Variants in METTL24 observed in about 807,000 individuals in gnomAD.
METTL24 encodes the protein methyltransferase like 24, also known as probable methyltransferase-like protein 24.
A neutral mutation model predicts 32.7 loss-of-function variants in METTL24; 29 were observed. That is an observed-to-expected ratio of 0.89 (90% CI 0.66 to 1.21). The LOEUF (loss-of-function observed/expected upper bound fraction) is 1.21. Ranked by LOEUF, METTL24 falls within the 50% of genes most tolerant of loss-of-function variation. METTL24 has a pLI of 0.00. For missense variants in METTL24, 439 were observed against 468.1 expected (o/e 0.94, Z 0.57); for synonymous variants, 163 against 179.5 (o/e 0.91, Z 0.73).
intron 1 of METTL24, among the ~76,000 whole-genome samples, chr6:110,351,017 A>G (rs1008236138): frequency 4.6e-5 from 7 of 152,028 alleles, no homozygotes; most frequent in Non-Finnish European, 1.0e-4. Flanking sequence ...CTGAGGCAGG[A>G]GAATCACTTG....
intron 4 of METTL24, among the ~76,000 whole-genome samples, chr6:110,283,516 T>C (rs1771172496): frequency 6.6e-6 from 1 of 151,812 alleles, no homozygotes; most frequent in South Asian, 2.1e-4. Flanking sequence ...GGGAGAGAGG[T>C]CTAATGACCA....
chr6:110,321,068 C>A (rs573993725), intron 2 of METTL24, among the ~76,000 whole-genome samples: 2 of 152,244 alleles, frequency 1.3e-5, no homozygotes, highest in Admixed American at 1.3e-4. Flanking sequence ...AAAACCCTAT[C>A]TCTACTAAAA....
At chr6:110,276,478 T>C (rs926576400) in intron 4 of METTL24, among the ~76,000 whole-genome samples, 14 of 152,204 alleles carry the variant, frequency 9.2e-5, no homozygotes, top group African/African-American at 3.1e-4. Flanking sequence ...AAACATTACA[T>C]GACTTGTACT....
intron 1 of METTL24, among the ~76,000 whole-genome samples, chr6:110,340,743 A>G (rs2114770943): frequency 6.6e-6 from 1 of 152,238 alleles, no homozygotes; most frequent in Admixed American, 6.5e-5. Flanking sequence ...TCAAGTATTC[A>G]CCGTCCTGGT....
chr6:110,287,484 C>T (rs1321200476), intron 4 of METTL24, among the ~76,000 whole-genome samples: 3 of 152,178 alleles, frequency 2.0e-5, no homozygotes, highest in South Asian at 2.1e-4. Flanking sequence ...AAGATAGACA[C>T]CTCTCTTTGA....
At chr6:110,305,290 C>G (rs1485990471) in intron 3 of METTL24, among the ~76,000 whole-genome samples, 1 of 152,010 alleles carries the variant, frequency 6.6e-6, no homozygotes, top group Non-Finnish European at 1.5e-5. Context: ...GACTAAAACA[C>G]CAAAAGCAAC....
intron 1 of METTL24, among the ~76,000 whole-genome samples, chr6:110,331,124 G>A (rs1772103412): frequency 6.6e-6 from 1 of 152,114 alleles, no homozygotes; most frequent in Non-Finnish European, 1.5e-5. Context: ...TACAATAACT[G>A]AAATAAAATC....
At chr6:110,320,590 A>C (rs749601544) in intron 2 of METTL24, among the ~76,000 whole-genome samples, 16 of 152,174 alleles carry the variant, frequency 1.1e-4, no homozygotes, top group Non-Finnish European at 1.6e-4. Flanking sequence ...TTTCTGGAGG[A>C]CAAAAATCCT....
chr6:110,252,157 A>C lies in METTL24; in HGVS notation c.787-5897T>G, dbSNP rs562547903. On this transcript the variant is annotated intron_variant, in intron 4 of 4. Coordinates refer to ENST00000338882, the MANE Select transcript of METTL24 (RefSeq NM_001123364.3). ...AAACTCTTCCTTAAAAAACAAAACA[A>C]AAAAAACCTGCTGCATTGGGATTCA... 2.9e-4 allele frequency among the ~76,000 whole-genome samples: 44 copies of C among 152,264 alleles called. No individual in the cohort carries two copies. In the South Asian group the frequency reaches 8.9e-3, roughly 31 times the overall value.
intron 4 of METTL24, among the ~76,000 whole-genome samples, chr6:110,279,008 T>A (rs907112823): frequency 1.3e-5 from 2 of 150,976 alleles, no homozygotes; most frequent in Non-Finnish European, 2.9e-5. Context: ...GAAACAGTGA[T>A]GTTCCACAAA....
intron 4 of METTL24, among the ~76,000 whole-genome samples, chr6:110,269,084 T>C (rs1770909022): frequency 6.6e-6 from 1 of 152,074 alleles, no homozygotes; most frequent in African/African-American, 2.4e-5. Context: ...CCCAAGCCTC[T>C]CCATTCCTTA....
At chr6:110,257,816 G>A (rs1030421929) in intron 4 of METTL24, among the ~76,000 whole-genome samples, 1 of 152,136 alleles carries the variant, frequency 6.6e-6, no homozygotes, top group African/African-American at 2.4e-5. Context: ...GGCCTTGGAA[G>A]GTATAAGATA....
At chr6:110,273,526 A>G in intron 4 of METTL24, among the ~76,000 whole-genome samples, 1 of 152,112 alleles carries the variant, frequency 6.6e-6, no homozygotes, top group Non-Finnish European at 1.5e-5. Flanking sequence ...TCATCAAGAA[A>G]AAAAAAACAA....
At chr6:110,328,809 C>G (rs1772061719) in intron 1 of METTL24, among the ~76,000 whole-genome samples, 1 of 152,160 alleles carries the variant, frequency 6.6e-6, no homozygotes, top group Non-Finnish European at 1.5e-5. Flanking sequence ...CACTCATGAC[C>G]TAGAAAAGAG....
At chr6:110,325,389 A>G (rs1187287886) in intron 1 of METTL24, among the ~76,000 whole-genome samples, 2 of 152,226 alleles carry the variant, frequency 1.3e-5, no homozygotes, top group African/African-American at 4.8e-5. Flanking sequence ...GTAAGTAAAC[A>G]AATGGTTATG....
chr6:110,332,826 T>C (rs1247196764), intron 1 of METTL24, among the ~76,000 whole-genome samples: 1 of 151,784 alleles, frequency 6.6e-6, no homozygotes, highest in African/African-American at 2.4e-5. Flanking sequence ...GGAGGATCGC[T>C]TGAGCCCAGG....
chr6:110,323,210 C>T (rs1257247214), intron 1 of METTL24, among the ~76,000 whole-genome samples: 2 of 152,226 alleles, frequency 1.3e-5, no homozygotes, highest in East Asian at 1.9e-4. Context: ...TTATATGAGG[C>T]TGTGCTCCTC....
chr6:110,307,806 G>A (rs1282228884), intron 3 of METTL24, among the ~76,000 whole-genome samples: 4 of 152,114 alleles, frequency 2.6e-5, no homozygotes, highest in Non-Finnish European at 5.9e-5. Context: ...CAGTTAACAC[G>A]TATATTCAAA....
intron 1 of METTL24, among the ~76,000 whole-genome samples, chr6:110,344,840 T>C (rs747896107): frequency 1.3e-5 from 2 of 152,212 alleles, no homozygotes; most frequent in African/African-American, 2.4e-5. Context: ...GAAGACAGCC[T>C]AGGCAATACT....
Sources: gnomAD v4.1 joint callset for allele counts (sites outside exome capture counted in the v4.1 genomes callset) on GRCh38, gnomAD v4.1.1 for gene constraint, MANE v1.5 for transcripts, NCBI Gene and HGNC (gene_info 2026-07-23, HGNC 2026-07-21) for gene names.